The following IL1RAPL1 variants were observed in gnomAD, a reference collection of about 807,000 sequenced individuals.
IL1RAPL1 encodes interleukin 1 receptor accessory protein like 1, also known as interleukin-1 receptor accessory protein-like 1.
In IL1RAPL1, 3 loss-of-function variants were observed where a neutral mutation model predicts 48.4. The ratio of observed to expected loss-of-function variants is 0.06; its 90% CI spans 0.03 to 0.16. The LOEUF (loss-of-function observed/expected upper bound fraction) is 0.16, where lower values mean the gene tolerates loss of function less well. Ranked by LOEUF, IL1RAPL1 falls within the 10% of genes least tolerant of loss-of-function variation. The probability of loss-of-function intolerance (pLI) is 1.00; values close to 1 mark genes in which losing one functional copy is unlikely to be tolerated. For missense variants in IL1RAPL1, 349 were observed against 530.6 expected, an observed-to-expected ratio of 0.66 and a Z score of 3.36; for synonymous variants, 185 against 187.7, an observed-to-expected ratio of 0.99 and a Z score of 0.12.
intron 5 of IL1RAPL1, among the ~76,000 whole-genome samples, chrX:29,558,336 T>A (rs758789491): frequency 2.0e-4 from 22 of 112,182 alleles, no homozygotes; most frequent in Non-Finnish European, 1.3e-4. Flanking sequence ...ATGTCTTCTT[T>A]TGAGAAACAT....
At chrX:29,276,626 C>T (rs1448293659) in intron 2 of IL1RAPL1, among the ~76,000 whole-genome samples, 2 of 111,393 alleles carry the variant, frequency 1.8e-5, no homozygotes, top group East Asian at 5.6e-4. Flanking sequence ...CCTATTGTGC[C>T]CCAAATATAT....
intron 5 of IL1RAPL1, among the ~76,000 whole-genome samples, chrX:29,639,549 T>G (rs984008240): frequency 1.0e-3 from 96 of 93,250 alleles, no homozygotes; most frequent in East Asian, 1.4e-3. Flanking sequence ...TTAAAAGTTT[T>G]TTTTTTTTTT....
chrX:29,790,381 A>G (rs1045335644), intron 6 of IL1RAPL1, among the ~76,000 whole-genome samples: 1 of 111,810 alleles, frequency 8.9e-6, no homozygotes, highest in African/African-American at 3.2e-5. Flanking sequence ...TATGTGCTTA[A>G]TGCCATTATC....
At chrX:29,509,432 A>G (rs1476864656) in intron 5 of IL1RAPL1, among the ~76,000 whole-genome samples, 1 of 112,712 alleles carries the variant, frequency 8.9e-6, no homozygotes, top group Non-Finnish European at 1.9e-5. Flanking sequence ...CCACATTGGC[A>G]TGTAAAACTG....
At chrX:29,803,992 A>G (rs1276185771) in intron 6 of IL1RAPL1, among the ~76,000 whole-genome samples, 4 of 111,536 alleles carry the variant, frequency 3.6e-5, no homozygotes, top group Non-Finnish European at 5.7e-5. Flanking sequence ...AGATGAATGC[A>G]TACCAGAAAT....
intron 3 of IL1RAPL1, among the ~76,000 whole-genome samples, chrX:29,367,552 TTTTATTTA>T (rs35288881): frequency 9.0e-4 from 89 of 98,518 alleles, no homozygotes; most frequent in East Asian, 6.8e-3. Flanking sequence ...TTCTATTTAT[TTTTATTTA>T]TTTATTTATT....
At chrX:29,879,357 A>ATG (rs370851302) in intron 6 of IL1RAPL1, among the ~76,000 whole-genome samples, 24,956 of 83,562 alleles carry the variant, frequency 0.3, 4,015 homozygotes, top group Non-Finnish European at 0.42. Flanking sequence ...AGTTTTATAT[A>ATG]TGTGTGTGTG....
intron 2 of IL1RAPL1, among the ~76,000 whole-genome samples, chrX:28,889,345 A>G (rs910882567): frequency 1.9e-4 from 21 of 111,542 alleles, no homozygotes; most frequent in African/African-American, 6.5e-4. Context: ...TTCCATATCT[A>G]TAAGCCTGAG....
At position 28,761,015 on chromosome X, in the gene IL1RAPL1, G is replaced by A. The variant is rs185180773; in HGVS notation, c.-24-28305G>A. On this transcript the variant is annotated intron_variant, in intron 1 of 10. Coordinates refer to ENST00000378993, the MANE Select transcript of IL1RAPL1 (RefSeq NM_014271.4). ...GTGGGAGAATTGCTTGAACCTGGGGGGGCAGAGGTTGTAGTGAGCTGAGAT... is the reference window on the plus strand; with the variant it reads ...GTGGGAGAATTGCTTGAACCTGGGGAGGCAGAGGTTGTAGTGAGCTGAGAT... Among the ~76,000 whole-genome samples, 320 of 108,327 alleles carry A rather than the reference G, an allele frequency of 3.0e-3. 2 individuals are homozygous for A. Among genetic ancestry groups the A allele is most frequent in the African/African-American group, 9.9e-3 (294 of 29,630 alleles). 94.1% of individuals were successfully genotyped at this position (108,327 alleles called of 115,157 possible).
intron 2 of IL1RAPL1, among the ~76,000 whole-genome samples, chrX:29,107,664 A>G (rs1198100780): frequency 9.8e-5 from 11 of 112,189 alleles, no homozygotes; most frequent in South Asian, 3.7e-4. Context: ...TAAAGGATCC[A>G]CAGAAGGAAG....
chrX:28,705,361 C>T (rs1935362637), intron 1 of IL1RAPL1, among the ~76,000 whole-genome samples: 1 of 111,676 alleles, frequency 9.0e-6, no homozygotes, highest in African/African-American at 3.3e-5. Context: ...TGTAGTCAAC[C>T]TTAAAAACAT....
chrX:28,649,804 G>A (rs1934662780), intron 1 of IL1RAPL1, among the ~76,000 whole-genome samples: 1 of 111,901 alleles, frequency 8.9e-6, no homozygotes, highest in Admixed American at 9.5e-5. Flanking sequence ...GATAGGGCTA[G>A]GGCTCCTCCA....
At chrX:29,741,935 G>GA (rs1182352727) in intron 6 of IL1RAPL1, among the ~76,000 whole-genome samples, 1,999 of 61,459 alleles carry the variant, frequency 0.033, 48 homozygotes, top group African/African-American at 0.1. Context: ...AAAAAAAAAA[G>GA]AAAAAAAAAA....
intron 6 of IL1RAPL1, among the ~76,000 whole-genome samples, chrX:29,688,122 A>G (rs1926677345): frequency 8.9e-6 from 1 of 112,222 alleles, no homozygotes; most frequent in Middle Eastern, 4.7e-3. Context: ...ACCTTACTAA[A>G]AAGTTATCTT....
intron 2 of IL1RAPL1, among the ~76,000 whole-genome samples, chrX:28,991,156 C>CAT (rs1386179713): frequency 2.7e-5 from 3 of 111,650 alleles, no homozygotes; most frequent in African/African-American, 9.8e-5. Flanking sequence ...GAGACAGGAA[C>CAT]ATATCAATAG....
chrX:29,720,026 T>C (rs1385987602), intron 6 of IL1RAPL1, among the ~76,000 whole-genome samples: 3 of 111,872 alleles, frequency 2.7e-5, no homozygotes, highest in Non-Finnish European at 5.6e-5. Flanking sequence ...CACTGGTCAT[T>C]AGAGAAATGC....
At chrX:28,751,024 A>C (rs1936036587) in intron 1 of IL1RAPL1, among the ~76,000 whole-genome samples, 1 of 111,947 alleles carries the variant, frequency 8.9e-6, no homozygotes, top group African/African-American at 3.2e-5. Context: ...CTTTAATTCA[A>C]CCGTGATTCT....
At position 29,726,743 on chromosome X, in the gene IL1RAPL1, C is replaced by T. The variant is rs1423886783; in HGVS notation, c.778+58239C>T. Among the ~76,000 whole-genome samples, 11 of 111,990 alleles carry T rather than the reference C, an allele frequency of 9.8e-5. No homozygotes were observed. The Admixed American group carries it at 1.0e-3, about 11-fold the overall frequency. On this transcript the variant is annotated intron_variant, in intron 6 of 10. Coordinates refer to ENST00000378993, the MANE Select transcript of IL1RAPL1 (RefSeq NM_014271.4). ...CTCCCAGCACTTTGGGAGACTGAGGCAGGAGGATATCTTGAGTCCAGGAGT... is the reference window on the plus strand; with the variant it reads ...CTCCCAGCACTTTGGGAGACTGAGGTAGGAGGATATCTTGAGTCCAGGAGT...
rs542159060 is a variant in IL1RAPL1, at chrX:29,676,045, G to A, written c.778+7541G>A. 8.7e-4 allele frequency among the ~76,000 whole-genome samples: 97 copies of A among 111,776 alleles called. 1 individual carries two copies. The South Asian group carries it at 0.011, about 12-fold the overall frequency. The stretch of plus-strand genomic sequence containing the variant: ...TTTTTGTTGTTATAATTAAGAGGCA[G>A]TGTACAGTAGTGGCTCCCAGTTGAA... On this transcript the variant is annotated intron_variant, in intron 6 of 10. Coordinates refer to ENST00000378993, the MANE Select transcript of IL1RAPL1 (RefSeq NM_014271.4).
Sources: allele counts gnomAD v4.1 joint callset (sites outside exome capture counted in the v4.1 genomes callset), GRCh38; gene constraint gnomAD v4.1.1; transcripts MANE v1.5; gene names NCBI Gene and HGNC (gene_info 2026-07-23, HGNC 2026-07-21).